The following NOL4 variants were observed in gnomAD, a reference collection of about 807,000 sequenced individuals.
The protein encoded by NOL4 is cancer/testis antigen 125.
NOL4 carries 17 observed loss-of-function variants against 75.9 expected under a neutral mutation model. The observed-to-expected ratio is 0.22, with a 90% confidence interval of 0.15 to 0.34. NOL4 has a LOEUF of 0.34. NOL4 is among the 10% of genes least tolerant of loss of function. The pLI is 1.00. For missense variants in NOL4, 614 were observed against 793.5 expected, an observed-to-expected ratio of 0.77 and a Z score of 2.72; for synonymous variants, 292 against 289.9, an observed-to-expected ratio of 1.01 and a Z score of -0.07.
rs183420936 is a variant in NOL4, at chr18:33,993,961, G to T, written c.1056+25357C>A. On this transcript the variant is annotated intron_variant, in intron 6 of 10. Transcript: ENST00000261592. The stretch of plus-strand genomic sequence containing the variant: ...TACTGAAAGTAAAAGAATGGAAAAA[G>T]ATATATAATGAATATAGAAACCATA... 2.2e-3 allele frequency among the ~76,000 whole-genome samples: 328 copies of T among 151,618 alleles called. 1 individual carries two copies. The highest frequency in any genetic ancestry group is 0.014 in the Middle Eastern group (4 of 290).
intron 9 of NOL4, among the ~76,000 whole-genome samples, chr18:33,892,853 CTG>C (rs1214368359): frequency 6.6e-6 from 1 of 151,814 alleles, no homozygotes; most frequent in Non-Finnish European, 1.5e-5. Flanking sequence ...TTTGTAGAGA[CTG>C]TCTCACTATG....
At chr18:34,092,041 C>T (rs993050527) in intron 5 of NOL4, among the ~76,000 whole-genome samples, 2 of 148,772 alleles carry the variant, frequency 1.3e-5, no homozygotes, top group African/African-American at 2.5e-5. Flanking sequence ...CTCTATACAC[C>T]CTCTACATTA....
chr18:33,927,533 C>T (rs930193072), intron 9 of NOL4, among the ~76,000 whole-genome samples: 10 of 151,926 alleles, frequency 6.6e-5, no homozygotes, highest in African/African-American at 2.4e-4. Flanking sequence ...TGACACTCTC[C>T]CAGGTTTAAA....
chr18:34,210,157 T>G (rs1323249119), intron 1 of NOL4, among the ~76,000 whole-genome samples: 2 of 152,232 alleles, frequency 1.3e-5, no homozygotes, highest in African/African-American at 4.8e-5. Flanking sequence ...AATTATTTGC[T>G]AAACTTTTGT....
chr18:34,139,197 G>C (rs1230151393), intron 1 of NOL4, among the ~76,000 whole-genome samples: 2 of 152,194 alleles, frequency 1.3e-5, no homozygotes, highest in Non-Finnish European at 2.9e-5. Context: ...CTCATAAAAT[G>C]AGTTAGGGAG....
intron 8 of NOL4, among the ~76,000 whole-genome samples, chr18:33,954,231 A>C (rs1296276504): frequency 6.6e-6 from 1 of 152,140 alleles, no homozygotes; most frequent in Non-Finnish European, 1.5e-5. Flanking sequence ...TTGTCTAGGG[A>C]ATAACGACAA....
chr18:34,120,484 G>T (rs137869562), intron 2 of NOL4, among the ~76,000 whole-genome samples: 2 of 152,304 alleles, frequency 1.3e-5, no homozygotes, highest in East Asian at 3.9e-4. Context: ...GCAGAGGAAT[G>T]CACTCTGTCC....
At chr18:34,104,242 G>T in intron 3 of NOL4, 83 bp from the exon 4 acceptor site, 1 of 862,312 alleles carries the variant, frequency 1.2e-6, no homozygotes, top group Non-Finnish European at 1.9e-6. Context: ...TCTCCAAATT[G>T]AAACAGGATT....
At chr18:33,871,119 C>T (rs2063678995) in intron 10 of NOL4, among the ~76,000 whole-genome samples, 2 of 151,914 alleles carry the variant, frequency 1.3e-5, no homozygotes, top group South Asian at 2.1e-4. Flanking sequence ...AGTTAAGAGC[C>T]AAATGACATT....
intron 4 of NOL4, among the ~76,000 whole-genome samples, 182 bp from the exon 5 acceptor site, chr18:34,093,779 T>C (rs4548951): frequency 0.85 from 129,101 of 152,184 alleles, 54,883 homozygotes; most frequent in East Asian, 0.96. Context: ...GTGGCTCAGG[T>C]CTGTAATCCC....
At chr18:34,130,740 A>T (rs2080603107) in intron 1 of NOL4, among the ~76,000 whole-genome samples, 1 of 152,166 alleles carries the variant, frequency 6.6e-6, no homozygotes, top group Non-Finnish European at 1.5e-5. Flanking sequence ...TCCAATGTTT[A>T]CCACATAATG....
At chr18:33,924,693 G>T (rs114648461) in intron 9 of NOL4, among the ~76,000 whole-genome samples, 2,117 of 152,308 alleles carry the variant, frequency 0.014, 51 homozygotes, top group African/African-American at 0.047. Flanking sequence ...TCAAACAATT[G>T]TTGAGTGCAA....
At chr18:33,959,934 TAA>T (rs1379260081) in intron 6 of NOL4, among the ~76,000 whole-genome samples, 3 of 149,882 alleles carry the variant, frequency 2.0e-5, no homozygotes, top group Non-Finnish European at 4.5e-5. Flanking sequence ...TTTTTCTTTC[TAA>T]GTGTGTGTGT....
At chr18:34,053,420 C>T (rs1465449041) in intron 5 of NOL4, among the ~76,000 whole-genome samples, 1 of 151,738 alleles carries the variant, frequency 6.6e-6, no homozygotes, top group African/African-American at 2.4e-5. Flanking sequence ...GCTGGGACAA[C>T]CAGTAGGTTA....
intron 10 of NOL4, among the ~76,000 whole-genome samples, chr18:33,882,723 T>G (rs1036388045): frequency 5.9e-5 from 9 of 151,940 alleles, no homozygotes; most frequent in South Asian, 2.1e-4. Context: ...CCCAAAGGAC[T>G]ATAAATCATG....
At chr18:33,888,547 G>A (rs1311934845) in intron 9 of NOL4, among the ~76,000 whole-genome samples, 1 of 151,900 alleles carries the variant, frequency 6.6e-6, no homozygotes, top group Non-Finnish European at 1.5e-5. Context: ...TTTTTACAGT[G>A]TTAGGTCTTA....
rs146806379 is a variant in NOL4, at chr18:33,916,583, A to G, written c.1542+26482T>C. ...TTAAGAAAGCAAATGGCAAAAATAAAAAGAGAAGTCTGATTACATAGTTTT... is the reference window on the plus strand; with the variant it reads ...TTAAGAAAGCAAATGGCAAAAATAAGAAGAGAAGTCTGATTACATAGTTTT... On this transcript the variant is annotated intron_variant, in intron 9 of 10. Coordinates refer to ENST00000261592, the MANE Select transcript of NOL4 (RefSeq NM_003787.5). 1.5e-3 allele frequency among the ~76,000 whole-genome samples: 233 copies of G among 152,328 alleles called. 1 individual carries two copies. Among genetic ancestry groups the G allele is most frequent in the African/African-American group, 5.4e-3 (223 of 41,572 alleles).
intron 9 of NOL4, among the ~76,000 whole-genome samples, chr18:33,925,720 G>T (rs2067284576): frequency 6.6e-6 from 1 of 152,046 alleles, no homozygotes; most frequent in African/African-American, 2.4e-5. Flanking sequence ...TAAATATTTT[G>T]TGCTGTGTTG....
At chr18:34,020,677 G>C (rs952321731) in intron 5 of NOL4, among the ~76,000 whole-genome samples, 1 of 152,026 alleles carries the variant, frequency 6.6e-6, no homozygotes, top group Non-Finnish European at 1.5e-5. Flanking sequence ...TGCATTTTAA[G>C]ATATGGGGAT....
Sources: allele counts gnomAD v4.1 joint callset (sites outside exome capture counted in the v4.1 genomes callset), GRCh38; gene constraint gnomAD v4.1.1; transcripts MANE v1.5; gene names NCBI Gene and HGNC (gene_info 2026-07-23, HGNC 2026-07-21).